SKIL: variants seen among roughly 807,000 people sequenced by gnomAD.
The protein encoded by SKIL is SKI like proto-oncogene, also known as ski-like protein.
Under a neutral mutation model 69.6 loss-of-function variants are expected in SKIL, and 20 were observed. The ratio of observed to expected loss-of-function variants is 0.29; its 90% CI spans 0.20 to 0.42. The LOEUF is 0.42. Ranked by LOEUF, SKIL falls within the 10% of genes least tolerant of loss-of-function variation. The pLI is 1.00. For missense variants in SKIL, 745 were observed against 783.1 expected (o/e 0.95, Z 0.58); for synonymous variants, 310 against 279.9 (o/e 1.11, Z -1.08).
chr3:170,378,894 TGA>T (rs1737187311), intron 2 of SKIL, among the ~76,000 whole-genome samples: 1 of 150,670 alleles, frequency 6.6e-6, no homozygotes, highest in Non-Finnish European at 1.5e-5. Flanking sequence ...TTTTTTATCT[TGA>T]GATGGATTCT....
intron 2 of SKIL, among the ~76,000 whole-genome samples, chr3:170,364,615 C>T (rs896958275): frequency 1.3e-5 from 2 of 152,128 alleles, no homozygotes; most frequent in African/African-American, 2.4e-5. Context: ...GCCATGGCGC[C>T]TGGCCCGCCC....
rs1308316181 is a variant in SKIL, at chr3:170,395,059, A to AGG, written c.*2644_*2645dup. 6.6e-6 allele frequency: 1 copy of AGG among 152,230 alleles called. No individual in the cohort carries two copies. Among genetic ancestry groups the AGG allele is most frequent in the African/African-American group, 2.4e-5 (1 of 41,466 alleles). The allele number at this position is 152,230 out of a possible 1,614,324, so 9.4% of individuals were successfully genotyped here. ...TGTTTATTCTAAAAAGCTGCATTAAAGGGACAACCTATAAAAAGTTTTGCT... is the reference window on the plus strand; with the variant it reads ...TGTTTATTCTAAAAAGCTGCATTAAAGGGGGACAACCTATAAAAAGTTTTGCT... On this transcript the variant is annotated 3_prime_UTR_variant, in exon 7 of 7. Coordinates refer to ENST00000259119, the MANE Select transcript of SKIL (RefSeq NM_005414.5).
chr3:170,359,571 C>G (rs185703992), intron 1 of SKIL, 128 bp from the exon 2 acceptor site: 2 of 147,614 alleles, frequency 1.4e-5, no homozygotes, highest in Non-Finnish European at 3.0e-5. Context: ...TCAGCCTGGG[C>G]GACAGAGCGA....
At position 170,363,545 on chromosome 3, in the gene SKIL, G is replaced by T. The variant is rs147524522; in HGVS notation, c.1098+2116G>T. ...CTGTTGCCCAGGCTAGAGCTCAGTG[G>T]CGCGATCTTGGCAGATTGCAGCCTC... On this transcript the variant is annotated intron_variant, in intron 2 of 6. Transcript: ENST00000259119. 6.9e-3 allele frequency among the ~76,000 whole-genome samples: 1,050 copies of T among 152,036 alleles called. 14 individuals carry two copies. The highest frequency in any genetic ancestry group is 0.024 in the African/African-American group (1,014 of 41,456).
intron 2 of SKIL, among the ~76,000 whole-genome samples, chr3:170,379,744 A>G (rs1296668990): frequency 6.6e-6 from 1 of 152,094 alleles, no homozygotes; most frequent in Admixed American, 6.5e-5. Context: ...CCTGGGTTCA[A>G]GTGATTCTCC....
intron 2 of SKIL, among the ~76,000 whole-genome samples, chr3:170,364,206 G>C (rs1736385696): frequency 2.0e-5 from 3 of 151,870 alleles, no homozygotes; most frequent in Non-Finnish European, 4.4e-5. Context: ...GCCTGTCTCT[G>C]CCTCCCAAAA....
In SKIL at chr3:170,360,979, A is replaced by G. The variant is rs1192815795; in HGVS notation, c.648A>G (p.Pro216=). 15 of 1,614,046 alleles carry G rather than the reference A, an allele frequency of 9.3e-6. No homozygotes were observed. Among genetic ancestry groups the G allele is most frequent in the Non-Finnish European group, 1.3e-5 (15 of 1,179,990 alleles). Residue 216 remains proline, a synonymous_variant, in exon 2 of 7, where the codon CCA becomes CCG. Coordinates refer to ENST00000259119, the MANE Select transcript of SKIL (RefSeq NM_005414.5). ...KVLGILPFNA[P]SCGLITLTDA... is the part of the protein sequence containing the mutation. ...TGGGCATACTTCCATTCAATGCCCC[A>G]TCCTGTGGGCTGATTACATTAACTG...
chr3:170,369,526 C>T (rs1283457474), intron 2 of SKIL, among the ~76,000 whole-genome samples: 1 of 152,120 alleles, frequency 6.6e-6, no homozygotes, highest in African/African-American at 2.4e-5. Context: ...CTCAGCCTCC[C>T]TAGTAGCTGG....
chr3:170,380,977 C>T (rs909886575), intron 2 of SKIL, among the ~76,000 whole-genome samples: 2 of 150,702 alleles, frequency 1.3e-5, no homozygotes, highest in Non-Finnish European at 2.9e-5. Flanking sequence ...CACAGATGTA[C>T]ACCACTGCAA....
Position 170,391,025 on chromosome 3 carries a change from T to G in SKIL, c.1672-11T>G, listed in dbSNP as rs1360155885. Reference sequence around the variant, plus strand: ...AAAGTAAAACTTGTATTGTGATTCTTTACATTACAGGAAGTAAAAATGTTG... The same window carrying G: ...AAAGTAAAACTTGTATTGTGATTCTGTACATTACAGGAAGTAAAAATGTTG... On this transcript the variant is annotated splice_polypyrimidine_tract_variant and intron_variant, in intron 5 of 6. Coordinates refer to ENST00000259119, the MANE Select transcript of SKIL (RefSeq NM_005414.5). 2.2e-6 allele frequency: 3 copies of G among 1,394,254 alleles called. No individual in the cohort carries two copies. Among genetic ancestry groups the G allele is most frequent in the Non-Finnish European group, 3.0e-6 (3 of 996,400 alleles). 86.4% of individuals were successfully genotyped at this position (1,394,254 alleles called of 1,614,324 possible). A position where few individuals can be genotyped will look rare whatever the true frequency, so the allele number is the denominator to read the frequency against.
At chr3:170,387,175 G>A (rs1392614454) in intron 4 of SKIL, among the ~76,000 whole-genome samples, 6 of 151,880 alleles carry the variant, frequency 4.0e-5, no homozygotes, top group Non-Finnish European at 5.9e-5. Flanking sequence ...GTGTCACCAC[G>A]CCTGGCTAAT....
Position 170,360,248 on chromosome 3 carries a change from C to G in SKIL, c.-84C>G. 8.0e-7 allele frequency: 1 copy of G among 1,254,556 alleles called. No homozygotes were observed. Among genetic ancestry groups the G allele is most frequent in the Non-Finnish European group, 1.1e-6 (1 of 909,572 alleles). The allele number at this position is 1,254,556 out of a possible 1,614,324, so 77.7% of individuals were successfully genotyped here. On this transcript the variant is annotated 5_prime_UTR_variant, in exon 2 of 7. In the 5' UTR this introduces an upstream ATG that the reference lacks. Coordinates refer to ENST00000259119, the MANE Select transcript of SKIL (RefSeq NM_005414.5). ...AGTAAGTTACGATAGGCATTTGTATCCATTCATTACTTTCCTCTTTTCAAA... is the reference window on the plus strand; with the variant it reads ...AGTAAGTTACGATAGGCATTTGTATGCATTCATTACTTTCCTCTTTTCAAA...
chr3:170,368,406 CTTTTTT>C (rs1352891106), intron 2 of SKIL, among the ~76,000 whole-genome samples: 1 of 152,006 alleles, frequency 6.6e-6, no homozygotes, highest in Non-Finnish European at 1.5e-5. Context: ...TTAAATTTTT[CTTTTTT>C]TAACTGAATA....
intron 2 of SKIL, among the ~76,000 whole-genome samples, chr3:170,377,641 T>G (rs1239064015): frequency 1.4e-5 from 2 of 140,910 alleles, no homozygotes; most frequent in East Asian, 4.6e-4. Context: ...CTCCGCCCTC[T>G]GAGTTCAAGC....
rs959449155 is a variant in SKIL, at chr3:170,360,909, A to G, written c.578A>G (p.Tyr193Cys). 7 of 1,614,128 alleles carry G rather than the reference A, an allele frequency of 4.3e-6. No homozygotes were observed. The highest frequency in any genetic ancestry group is 5.9e-6 in the Non-Finnish European group (7 of 1,179,998). ...ACAGTGTGTGATGAACTGTACATATATTGTTCAAGGTGTACTTCAGACCAG... is the reference window on the plus strand; with the variant it reads ...ACAGTGTGTGATGAACTGTACATATGTTGTTCAAGGTGTACTTCAGACCAG... ...INTVCDELYIYCSRCTSDQLH... is the reference protein window; with the variant it reads ...INTVCDELYICCSRCTSDQLH... The change falls in exon 2 of 7, where the codon TAT (tyrosine) becomes TGT (cysteine). Residue 193 changes from tyrosine to cysteine, a missense_variant. Transcript: ENST00000259119.
intron 4 of SKIL, among the ~76,000 whole-genome samples, chr3:170,385,400 T>A (rs1737569910): frequency 6.6e-6 from 1 of 151,986 alleles, no homozygotes; most frequent in Non-Finnish European, 1.5e-5. Flanking sequence ...CCTTTATTTT[T>A]CTTTCTGATT....
chr3:170,386,180 G>C (rs541083106), intron 4 of SKIL, among the ~76,000 whole-genome samples: 48 of 151,536 alleles, frequency 3.2e-4, no homozygotes, highest in Non-Finnish European at 6.3e-4. Flanking sequence ...GCCCAGGCTA[G>C]AGTGCAACGG....
At position 170,393,732 on chromosome 3, in the gene SKIL, T is replaced by A. The variant is rs1486391122; in HGVS notation, c.*1315T>A. ...TAATTGACATTATTACCCCATGGATTTTATGGGATAATAAATGTTTTTCAT... is the reference window on the plus strand; with the variant it reads ...TAATTGACATTATTACCCCATGGATATTATGGGATAATAAATGTTTTTCAT... On this transcript the variant is annotated 3_prime_UTR_variant, in exon 7 of 7. Transcript: ENST00000259119. 1 of 152,182 alleles carries A rather than the reference T, an allele frequency of 6.6e-6. No individual in the cohort carries two copies. The highest frequency in any genetic ancestry group is 1.5e-5 in the Non-Finnish European group (1 of 68,018). The allele number at this position is 152,182 out of a possible 1,614,324, so 9.4% of individuals were successfully genotyped here.
rs1229215371 is a variant in SKIL, at chr3:170,392,504, ATCT to A, written c.*88_*90del. 3.8e-6 allele frequency: 3 copies of A among 783,508 alleles called. No individual in the cohort carries two copies. Among genetic ancestry groups the A allele is most frequent in the Non-Finnish European group, 6.0e-6 (3 of 503,292 alleles). 48.5% of individuals were successfully genotyped at this position (783,508 alleles called of 1,614,324 possible). A position where few individuals can be genotyped will look rare whatever the true frequency, so the allele number is the denominator to read the frequency against. On this transcript the variant is annotated 3_prime_UTR_variant, in exon 7 of 7. Coordinates refer to ENST00000259119, the MANE Select transcript of SKIL (RefSeq NM_005414.5). The stretch of plus-strand genomic sequence containing the variant: ...TTGGTAATTGAATTCTGAAGAATTT[ATCT>A]GCATGACGATAACTAGGCATTCTAT...
Sources: gnomAD v4.1 joint callset for allele counts (sites outside exome capture counted in the v4.1 genomes callset) on GRCh38, gnomAD v4.1.1 for gene constraint, MANE v1.5 for transcripts, NCBI Gene and HGNC (gene_info 2026-07-23, HGNC 2026-07-21) for gene names.